YTHDF3: variants seen among roughly 807,000 people sequenced by gnomAD.
YTHDF3 encodes YTH N6-methyladenosine RNA binding protein F3.
Under a neutral mutation model 52.5 loss-of-function variants are expected in YTHDF3, and 9 were observed. The ratio of observed to expected loss-of-function variants is 0.17; its 90% CI spans 0.10 to 0.30. The LOEUF (loss-of-function observed/expected upper bound fraction) is 0.30, where lower values mean the gene tolerates loss of function less well. Ranked by LOEUF, YTHDF3 falls within the 10% of genes least tolerant of loss-of-function variation. The pLI, the probability that YTHDF3 is intolerant of heterozygous loss-of-function variation, is 1.00. For missense variants in YTHDF3, 534 were observed against 715.0 expected, an observed-to-expected ratio of 0.75 and a Z score of 2.89; for synonymous variants, 274 against 243.3, an observed-to-expected ratio of 1.13 and a Z score of -1.18.
At chr8:63,196,910 G>A (rs548997022) in intron 4 of YTHDF3, among the ~76,000 whole-genome samples, 63 of 152,240 alleles carry the variant, frequency 4.1e-4, no homozygotes, top group African/African-American at 1.4e-3. Context: ...ACAACAACCC[G>A]TAGCACCTGG....
chr8:63,188,370 C>T (rs906771502), intron 4 of YTHDF3, among the ~76,000 whole-genome samples: 2 of 150,808 alleles, frequency 1.3e-5, no homozygotes, highest in Non-Finnish European at 3.0e-5. Flanking sequence ...TCTCTTGTCC[C>T]GGCAGGAGTG....
At chr8:63,175,587 G>A (rs1807631530) in intron 3 of YTHDF3, 171 bp downstream of exon 3, 24 of 515,432 alleles carry the variant, frequency 4.7e-5, no homozygotes. Flanking sequence ...GCACAGGAGA[G>A]TTCTTCTTCA....
intron 4 of YTHDF3, among the ~76,000 whole-genome samples, chr8:63,190,050 G>A (rs1183992344): frequency 6.6e-6 from 1 of 152,112 alleles, no homozygotes; most frequent in African/African-American, 2.4e-5. Flanking sequence ...ATGATTTGAG[G>A]TATGAAAGGT....
chr8:63,180,758 G>A (rs538688043), intron 3 of YTHDF3, among the ~76,000 whole-genome samples: 4 of 152,352 alleles, frequency 2.6e-5, no homozygotes, highest in East Asian at 3.9e-4. Context: ...GATCACTCGC[G>A]GTTAGGAGCT....
intron 3 of YTHDF3, 104 bp downstream of exon 3, chr8:63,175,520 A>G: frequency 1.1e-6 from 1 of 923,638 alleles, no homozygotes; most frequent in Non-Finnish European, 1.7e-6. Flanking sequence ...ACATGGATTC[A>G]TTCATCTAGT....
At chr8:63,202,565 G>A (rs1443301262) in intron 4 of YTHDF3, among the ~76,000 whole-genome samples, 1 of 151,412 alleles carries the variant, frequency 6.6e-6, no homozygotes, top group Non-Finnish European at 1.5e-5. Flanking sequence ...GGGTTTAAGC[G>A]ATTCTCCTGT....
At position 63,187,391 on chromosome 8, in the gene YTHDF3, A is replaced by T. The variant is rs374707032; in HGVS notation, c.1380A>T (p.Pro460=). Residue 460 remains proline, a synonymous_variant, in exon 4 of 5, where the codon CCA becomes CCT. Coordinates refer to ENST00000539294, the MANE Select transcript of YTHDF3 (RefSeq NM_152758.6). The part of the protein sequence containing the change: ...AAYRSLNGKG[P]LYLLFSVNGS... ...ACCGTTCCCTGAATGGGAAAGGCCC[A>T]CTCTATTTACTCTTCAGTGTGAATG... The T allele has an allele frequency of 1.2e-6, 2 of 1,613,690 alleles. No individual in the cohort carries two copies. Among genetic ancestry groups the T allele is most frequent in the Non-Finnish European group, 1.7e-6 (2 of 1,179,854 alleles).
At chr8:63,183,605 A>T (rs1029177095) in intron 3 of YTHDF3, among the ~76,000 whole-genome samples, 69 of 152,202 alleles carry the variant, frequency 4.5e-4, no homozygotes, top group African/African-American at 1.6e-3. Context: ...TTGCAGTTGT[A>T]AAAATGCTGT....
Position 63,187,308 on chromosome 8 carries a change from A to G in YTHDF3, c.1297A>G (p.Ile433Val), listed in dbSNP as rs1181250118. Residue 433 changes from isoleucine to valine, a missense_variant, in exon 4 of 5, where the codon ATT becomes GTT. Coordinates refer to ENST00000539294, the MANE Select transcript of YTHDF3 (RefSeq NM_152758.6). ...CTCTGAGGATGACATACATCGTTCCATTAAATACTCTATCTGGTGTAGTAC... is the reference window on the plus strand; with the variant it reads ...CTCTGAGGATGACATACATCGTTCCGTTAAATACTCTATCTGGTGTAGTAC... The part of the protein sequence containing the change: ...SYSEDDIHRS[I>V]KYSIWCSTEH... 6.2e-7 allele frequency: 1 copy of G among 1,614,074 alleles called. No individual in the cohort carries two copies. The highest frequency in any genetic ancestry group is 8.5e-7 in the Non-Finnish European group (1 of 1,179,896).
chr8:63,206,671 A>G lies in YTHDF3; in HGVS notation c.1735-3012A>G, dbSNP rs182953797. On this transcript the variant is annotated intron_variant, in intron 4 of 4. Transcript: ENST00000539294. ...ATTAGCATGATTAACATTTTCATTT[A>G]CTAATAATACTAATAAGTGTTCGTG... Among the ~76,000 whole-genome samples the G allele has an allele frequency of 7.7e-3, 1,175 of 152,294 alleles. 6 individuals are homozygous for G. The highest frequency in any genetic ancestry group is 0.013 in the Non-Finnish European group (858 of 68,018).
chr8:63,206,616 T>A (rs552420930), intron 4 of YTHDF3, among the ~76,000 whole-genome samples: 1 of 152,332 alleles, frequency 6.6e-6, no homozygotes, highest in East Asian at 1.9e-4. Context: ...ATTTAAATTT[T>A]TTGTCTTTAA....
chr8:63,173,379 A>G (rs1417974239), intron 2 of YTHDF3, among the ~76,000 whole-genome samples: 2 of 151,852 alleles, frequency 1.3e-5, no homozygotes, highest in East Asian at 1.9e-4. Context: ...AACTAGGACT[A>G]TAGGCACATG....
At chr8:63,182,996 AC>A (rs1222305378) in intron 3 of YTHDF3, among the ~76,000 whole-genome samples, 8 of 143,784 alleles carry the variant, frequency 5.6e-5, no homozygotes, top group African/African-American at 1.8e-4. Flanking sequence ...CTCGCTTGTC[AC>A]CCAGGCTGGA....
At position 63,186,302 on chromosome 8, in the gene YTHDF3, ACAT is replaced by A. The variant is rs1224998453; in HGVS notation, c.294_296del (p.His99del). ...CCTATGGACAAATGAGTAATGGAGA[ACAT>A]CACTATATACCAGATGGTGTATTTA... On this transcript the variant is annotated inframe_deletion, in exon 4 of 5. Coordinates refer to ENST00000539294, the MANE Select transcript of YTHDF3 (RefSeq NM_152758.6). 1 of 1,614,070 alleles carries A rather than the reference ACAT, an allele frequency of 6.2e-7. No homozygotes were observed. The highest frequency in any genetic ancestry group is 2.2e-5 in the East Asian group (1 of 44,886).
chr8:63,206,644 A>G (rs1255957910), intron 4 of YTHDF3, among the ~76,000 whole-genome samples: 1 of 152,184 alleles, frequency 6.6e-6, no homozygotes, highest in African/African-American at 2.4e-5. Context: ...ATTTATTGGC[A>G]TATTAGCATG....
At chr8:63,207,687 C>A (rs1157204101) in intron 4 of YTHDF3, among the ~76,000 whole-genome samples, 2 of 152,124 alleles carry the variant, frequency 1.3e-5, no homozygotes, top group African/African-American at 2.4e-5. Flanking sequence ...AACCGATCAT[C>A]TCACTGGCAT....
intron 4 of YTHDF3, among the ~76,000 whole-genome samples, chr8:63,200,498 A>G (rs149746332): frequency 1.3e-3 from 192 of 151,664 alleles, no homozygotes; most frequent in African/African-American, 4.1e-3. Flanking sequence ...ATTAGAAGCA[A>G]TTCACTCATT....
chr8:63,181,815 A>G (rs886800832), intron 3 of YTHDF3, among the ~76,000 whole-genome samples: 10 of 152,192 alleles, frequency 6.6e-5, no homozygotes, highest in Non-Finnish European at 1.3e-4. Flanking sequence ...TTATTAAGTG[A>G]ATGGATGGAT....
chr8:63,203,060 G>T (rs1025624981), intron 4 of YTHDF3, among the ~76,000 whole-genome samples: 5 of 152,022 alleles, frequency 3.3e-5, no homozygotes, highest in African/African-American at 1.2e-4. Flanking sequence ...TGGCCATCAT[G>T]GTGAAAACCC....
Sources: allele counts gnomAD v4.1 joint callset (sites outside exome capture counted in the v4.1 genomes callset), GRCh38; gene constraint gnomAD v4.1.1; transcripts MANE v1.5; gene names NCBI Gene and HGNC (gene_info 2026-07-23, HGNC 2026-07-21).